CCDC102B: variants seen among roughly 807,000 people sequenced by gnomAD.
CCDC102B encodes coiled-coil domain-containing protein 102B.
A neutral mutation model predicts 57.4 loss-of-function variants in CCDC102B; 75 were observed. That is an observed-to-expected ratio of 1.31 (90% CI 1.08 to 1.58). The LOEUF (loss-of-function observed/expected upper bound fraction) is 1.58. Ranked by LOEUF, CCDC102B falls within the 40% of genes most tolerant of loss-of-function variation. CCDC102B has a pLI of 0.00. For missense variants in CCDC102B, 636 were observed against 582.6 expected (o/e 1.09, Z -0.94); for synonymous variants, 206 against 201.9 (o/e 1.02, Z -0.17).
Position 69,022,974 on chromosome 18 carries a change from C to T in CCDC102B, c.1434+11870C>T, listed in dbSNP as rs114804611. ...TTGCAATGCCAAGGATCCTAAAATC[C>T]GTGCTTAGTTAAAAAAAAAAAAAAT... On this transcript the variant is annotated intron_variant, in intron 7 of 7. Coordinates refer to ENST00000360242, the MANE Select transcript of CCDC102B (RefSeq NM_024781.3). Among the ~76,000 whole-genome samples the T allele has an allele frequency of 4.4e-3, 658 of 150,168 alleles. 4 individuals are homozygous for T. Among genetic ancestry groups the T allele is most frequent in the African/African-American group, 0.015 (631 of 40,758 alleles).
At chr18:68,783,101 G>T (rs2035063447) in intron 2 of CCDC102B, among the ~76,000 whole-genome samples, 1 of 152,146 alleles carries the variant, frequency 6.6e-6, no homozygotes, top group Non-Finnish European at 1.5e-5. Context: ...ATCCAGTGGA[G>T]GTTGGTACGA....
At chr18:68,884,781 G>A (rs1488701545) in intron 5 of CCDC102B, among the ~76,000 whole-genome samples, 1 of 149,248 alleles carries the variant, frequency 6.7e-6, no homozygotes, top group Non-Finnish European at 1.5e-5. Context: ...AATCAGTCTG[G>A]AGATCTAATG....
intron 6 of CCDC102B, among the ~76,000 whole-genome samples, chr18:69,000,521 A>G (rs1013551719): frequency 6.6e-6 from 1 of 152,194 alleles, no homozygotes; most frequent in South Asian, 2.1e-4. Context: ...CCTTAGTCCC[A>G]GAGATAAATA....
intron 6 of CCDC102B, among the ~76,000 whole-genome samples, chr18:68,951,152 G>T (rs1299616217): frequency 6.6e-6 from 1 of 152,104 alleles, no homozygotes; most frequent in Non-Finnish European, 1.5e-5. Context: ...TGGAGTAGGG[G>T]AAGGGAAAGT....
At chr18:68,924,006 T>C (rs2041384117) in intron 6 of CCDC102B, among the ~76,000 whole-genome samples, 1 of 152,038 alleles carries the variant, frequency 6.6e-6, no homozygotes, top group Non-Finnish European at 1.5e-5. Flanking sequence ...GTAAGTAGCA[T>C]CATTAGCAAC....
intron 4 of CCDC102B, chr18:68,866,661 A>C: frequency 2.6e-6 from 1 of 382,002 alleles, no homozygotes; most frequent in South Asian, 2.5e-5. Flanking sequence ...CATAGATTCA[A>C]ACCGCCCTTT....
intron 5 of CCDC102B, among the ~76,000 whole-genome samples, chr18:68,895,854 T>C (rs2040224313): frequency 1.3e-5 from 2 of 151,820 alleles, no homozygotes. Flanking sequence ...CTGTAAAGAG[T>C]TACTCTGCTG....
At chr18:68,974,928 T>C (rs2050393308) in intron 6 of CCDC102B, among the ~76,000 whole-genome samples, 1 of 151,962 alleles carries the variant, frequency 6.6e-6, no homozygotes, top group African/African-American at 2.4e-5. Flanking sequence ...AACATTTACA[T>C]AGGCTTTTTT....
intron 5 of CCDC102B, among the ~76,000 whole-genome samples, chr18:68,889,801 A>G (rs1334890377): frequency 6.6e-6 from 1 of 152,214 alleles, no homozygotes; most frequent in Non-Finnish European, 1.5e-5. Context: ...TGTATGGACT[A>G]AAGCATTTTC....
intron 6 of CCDC102B, among the ~76,000 whole-genome samples, chr18:68,982,218 T>C (rs1380470166): frequency 6.6e-6 from 1 of 151,422 alleles, no homozygotes; most frequent in Admixed American, 6.6e-5. Context: ...AAGTTTTGTC[T>C]TCATTCATTC....
upstream of CCDC102B, among the ~76,000 whole-genome samples, chr18:68,795,131 A>T (rs1401961130): frequency 3.3e-5 from 5 of 152,058 alleles, no homozygotes; most frequent in Non-Finnish European, 7.4e-5. Flanking sequence ...AAGACGGGTT[A>T]TTAAATTTGA....
chr18:68,906,907 C>T (rs1013284942), intron 6 of CCDC102B, among the ~76,000 whole-genome samples: 1 of 132,374 alleles, frequency 7.6e-6, no homozygotes, highest in African/African-American at 3.0e-5. Context: ...AAGATTCTCC[C>T]CTATGTTTAT....
intron 2 of CCDC102B, among the ~76,000 whole-genome samples, chr18:68,740,574 A>C (rs1452636169): frequency 6.6e-6 from 1 of 152,152 alleles, no homozygotes; most frequent in Admixed American, 6.5e-5. Context: ...GTTGGCAAAC[A>C]CTTGCTTTTA....
At chr18:68,785,115 A>G (rs1486994556) in intron 2 of CCDC102B, among the ~76,000 whole-genome samples, 1 of 151,862 alleles carries the variant, frequency 6.6e-6, no homozygotes, top group Non-Finnish European at 1.5e-5. Flanking sequence ...ACTGAGAATG[A>G]TGACTTCCAA....
chr18:68,923,744 T>G (rs1437257568), intron 6 of CCDC102B, among the ~76,000 whole-genome samples: 3 of 152,084 alleles, frequency 2.0e-5, no homozygotes, highest in Admixed American at 6.6e-5. Flanking sequence ...ATTAAGCTTG[T>G]TGTCTTTATA....
intron 6 of CCDC102B, among the ~76,000 whole-genome samples, chr18:69,010,450 C>T (rs1346985477): frequency 6.6e-6 from 1 of 151,490 alleles, no homozygotes; most frequent in Admixed American, 6.6e-5. Context: ...GTCCTTGCTG[C>T]AGGTTTCTGA....
chr18:68,721,542 A>G (rs542527123), intron 2 of CCDC102B: 9 of 152,316 alleles, frequency 5.9e-5, no homozygotes, highest in African/African-American at 2.2e-4. Flanking sequence ...AAAAATAAAA[A>G]AATAAGATTC....
At position 68,810,671 on chromosome 18, in the gene CCDC102B, C is replaced by CTTTGTTTGTTT. The variant is rs1568263108; in HGVS notation, c.-16+12493_-16+12494insGTTTGTTTTTT. Among the ~76,000 whole-genome samples, 18 of 70,068 alleles carry CTTTGTTTGTTT rather than the reference C, an allele frequency of 2.6e-4. 1 individual carries two copies. Among genetic ancestry groups the CTTTGTTTGTTT allele is most frequent in the East Asian group, 1.5e-3 (4 of 2,702 alleles). The allele number at this position is 70,068 out of a possible 152,430, so 46.0% of individuals were successfully genotyped here. ...AGACGGTTTTGAAAAATTTTCTTTT[C>CTTTGTTTGTTT]TTTTCTTTGTTTTTTTTTTTTTTTT... is the stretch of plus-strand genomic sequence containing the variant. On this transcript the variant is annotated intron_variant, in intron 1 of 7. Coordinates refer to ENST00000360242, the MANE Select transcript of CCDC102B (RefSeq NM_024781.3).
intron 6 of CCDC102B, among the ~76,000 whole-genome samples, chr18:68,990,210 T>A (rs2050828370): frequency 6.6e-6 from 1 of 152,200 alleles, no homozygotes; most frequent in Admixed American, 6.5e-5. Flanking sequence ...CAGGAAGTTC[T>A]CTGCAGCCCG....
Sources: gnomAD v4.1 joint callset for allele counts (sites outside exome capture counted in the v4.1 genomes callset) on GRCh38, gnomAD v4.1.1 for gene constraint, MANE v1.5 for transcripts, NCBI Gene and HGNC (gene_info 2026-07-23, HGNC 2026-07-21) for gene names.